RALA: variants seen among roughly 807,000 people sequenced by gnomAD.
RALA encodes ras-related protein Ral-A.
In RALA, 5 loss-of-function variants were observed where a neutral mutation model predicts 24.0. That is an observed-to-expected ratio of 0.21 (90% CI 0.11 to 0.44). The LOEUF (loss-of-function observed/expected upper bound fraction) is 0.44, where lower values mean the gene tolerates loss of function less well. RALA is among the 20% of genes least tolerant of loss of function. RALA has a pLI of 0.99. For synonymous variants in RALA, 77 were observed against 83.8 expected, an observed-to-expected ratio of 0.92 and a Z score of 0.44; for missense variants, 95 against 241.2, an observed-to-expected ratio of 0.39 and a Z score of 4.01.
intron 1 of RALA, among the ~76,000 whole-genome samples, chr7:39,684,078 G>C (rs1792652504): frequency 6.6e-6 from 1 of 152,172 alleles, no homozygotes. Context: ...GTATCTTTCA[G>C]ACTTTTAGTT....
intron 1 of RALA, among the ~76,000 whole-genome samples, chr7:39,630,122 C>T (rs1248944373): frequency 6.6e-6 from 1 of 151,938 alleles, no homozygotes; most frequent in African/African-American, 2.4e-5. Flanking sequence ...CAGCTCACTG[C>T]AGCCTCAGCC....
intron 1 of RALA, among the ~76,000 whole-genome samples, chr7:39,639,905 A>G (rs1037452915): frequency 6.6e-6 from 1 of 151,940 alleles, no homozygotes; most frequent in South Asian, 2.1e-4. Context: ...TCTTTGCAAT[A>G]TGGGTTTTTT....
chr7:39,640,514 AGTTT>A (rs1172349415), intron 1 of RALA, among the ~76,000 whole-genome samples: 1 of 152,122 alleles, frequency 6.6e-6, no homozygotes, highest in African/African-American at 2.4e-5. Flanking sequence ...GAGTTGTAAG[AGTTT>A]GTTTATTACA....
At chr7:39,657,766 G>GA (rs60814051) in intron 1 of RALA, among the ~76,000 whole-genome samples, 101,788 of 151,872 alleles carry the variant, frequency 0.67, 34,780 homozygotes, top group African/African-American at 0.8. Context: ...CACAAAAAAA[G>GA]AAAAAAAATG....
At chr7:39,627,072 T>C (rs534286284) in intron 1 of RALA, among the ~76,000 whole-genome samples, 55 of 149,558 alleles carry the variant, frequency 3.7e-4, no homozygotes, top group African/African-American at 1.4e-3. Context: ...TCTCTCTCTC[T>C]CTCTCTTTTT....
chr7:39,658,424 C>A (rs1792131332), intron 1 of RALA, among the ~76,000 whole-genome samples: 2 of 151,942 alleles, frequency 1.3e-5, no homozygotes, highest in African/African-American at 4.8e-5. Flanking sequence ...TATTTTTATC[C>A]CCTAGCCACT....
At chr7:39,627,664 A>G (rs1791517618) in intron 1 of RALA, among the ~76,000 whole-genome samples, 1 of 152,212 alleles carries the variant, frequency 6.6e-6, no homozygotes, top group Non-Finnish European at 1.5e-5. Flanking sequence ...TTTCTTATGT[A>G]GTTGAGAAGC....
At chr7:39,678,901 G>GTA (rs1792537684) in intron 1 of RALA, among the ~76,000 whole-genome samples, 1 of 151,866 alleles carries the variant, frequency 6.6e-6, no homozygotes, top group Admixed American at 6.6e-5. Flanking sequence ...GTACAAAATG[G>GTA]TATACTCTCT....
At chr7:39,640,846 G>C (rs945821864) in intron 1 of RALA, among the ~76,000 whole-genome samples, 3 of 152,244 alleles carry the variant, frequency 2.0e-5, no homozygotes, top group African/African-American at 7.2e-5. Context: ...GACTCTTTCA[G>C]TTGTAAGAGC....
intron 3 of RALA, among the ~76,000 whole-genome samples, chr7:39,695,285 A>G (rs932632025): frequency 6.6e-6 from 1 of 152,190 alleles, no homozygotes; most frequent in African/African-American, 2.4e-5. Flanking sequence ...GCCTATGCAC[A>G]TCCTCCCATG....
At chr7:39,661,337 T>G (rs969025428) in intron 1 of RALA, among the ~76,000 whole-genome samples, 7 of 152,120 alleles carry the variant, frequency 4.6e-5, no homozygotes, top group Non-Finnish European at 8.8e-5. Context: ...TCCCTCAAAG[T>G]CTTAACTCAT....
chr7:39,641,542 T>G (rs1583709687), intron 1 of RALA, among the ~76,000 whole-genome samples: 1 of 152,340 alleles, frequency 6.6e-6, no homozygotes, highest in East Asian at 1.9e-4. Flanking sequence ...AGTTCCTATA[T>G]TCCTACAGAT....
chr7:39,639,959 ATTAT>A (rs959541579), intron 1 of RALA, among the ~76,000 whole-genome samples: 5 of 148,056 alleles, frequency 3.4e-5, no homozygotes, highest in African/African-American at 5.3e-5. Flanking sequence ...ACCAAACAAC[ATTAT>A]TTGAGAACCT....
intron 4 of RALA, among the ~76,000 whole-genome samples, chr7:39,698,432 GATGAA>G (rs1162268011): frequency 1.3e-5 from 2 of 152,132 alleles, no homozygotes; most frequent in African/African-American, 4.8e-5. Context: ...TTATTGTAAA[GATGAA>G]ATGAAATCAC....
intron 4 of RALA, among the ~76,000 whole-genome samples, chr7:39,701,939 T>C (rs921273819): frequency 1.3e-5 from 2 of 152,242 alleles, no homozygotes; most frequent in Non-Finnish European, 2.9e-5. Flanking sequence ...GCTCTGGGTC[T>C]TAATTCACGA....
chr7:39,671,546 A>G (rs184754101), intron 1 of RALA, among the ~76,000 whole-genome samples: 2 of 152,248 alleles, frequency 1.3e-5, no homozygotes, highest in South Asian at 2.1e-4. Context: ...GATATCTTAC[A>G]TATGCTGTTT....
intron 1 of RALA, among the ~76,000 whole-genome samples, chr7:39,669,760 A>G (rs1020802837): frequency 6.6e-5 from 10 of 151,152 alleles, no homozygotes; most frequent in Non-Finnish European, 1.2e-4. Flanking sequence ...GAGGTATAAT[A>G]GCACCACTGC....
chr7:39,643,062 TC>T (rs993073997), intron 1 of RALA, among the ~76,000 whole-genome samples: 1 of 152,214 alleles, frequency 6.6e-6, no homozygotes, highest in Non-Finnish European at 1.5e-5. Flanking sequence ...TTCCTTCTGT[TC>T]CCATGCCCTG....
intron 1 of RALA, among the ~76,000 whole-genome samples, chr7:39,658,876 C>A (rs1239772280): frequency 6.6e-6 from 1 of 151,828 alleles, no homozygotes; most frequent in Non-Finnish European, 1.5e-5. Context: ...CGCCACCGAG[C>A]CTGCCTCAAG....
Sources: allele counts gnomAD v4.1 joint callset (sites outside exome capture counted in the v4.1 genomes callset), GRCh38; gene constraint gnomAD v4.1.1; transcripts MANE v1.5; gene names NCBI Gene and HGNC (gene_info 2026-07-23, HGNC 2026-07-21).